The following STMN1 variants were observed in gnomAD, a reference collection of about 807,000 sequenced individuals.
STMN1 encodes stathmin.
In STMN1, 3 loss-of-function variants were observed where a neutral mutation model predicts 19.7. The ratio of observed to expected loss-of-function variants is 0.15; its 90% CI spans 0.07 to 0.39. STMN1 has a LOEUF of 0.39. Among genes scored for constraint, STMN1 ranks in the 10% least tolerant of loss-of-function variants. The pLI, the probability that STMN1 is intolerant of heterozygous loss-of-function variation, is 1.00. For missense variants in STMN1, 99 were observed against 176.0 expected (o/e 0.56, Z 2.48); for synonymous variants, 59 against 58.9 (o/e 1.00, Z -0.01).
downstream of STMN1, among the ~76,000 whole-genome samples, chr1:25,898,656 G>C (rs964861720): frequency 6.6e-6 from 1 of 152,230 alleles, no homozygotes; most frequent in African/African-American, 2.4e-5. Context: ...GAAGGGACAA[G>C]CCTCATTTTC....
chr1:25,901,046 T>C lies in STMN1; in HGVS notation c.420A>G (p.Lys140=). 2 of 1,613,722 alleles carry C rather than the reference T, an allele frequency of 1.2e-6. No homozygotes were observed. The highest frequency in any genetic ancestry group is 1.7e-6 in the Non-Finnish European group (2 of 1,179,954). The change falls in exon 5 of 5, where the codon AAA becomes AAG. Residue 140 remains lysine, a synonymous_variant. Coordinates refer to ENST00000455785, the MANE Select transcript of STMN1 (RefSeq NM_005563.4). ...CAGCTTCAGTCTCGTCAGCAGGGTC[T>C]TTGGATTCTTTGTTCTTCCGCACTT... The part of the protein sequence containing the change: ...IEEVRKNKES[K]DPADETEAD
intron 4 of STMN1, among the ~76,000 whole-genome samples, chr1:25,888,498 G>A (rs1271348477): frequency 3.3e-5 from 5 of 152,106 alleles, no homozygotes; most frequent in African/African-American, 7.2e-5. Flanking sequence ...ATGAATAAAC[G>A]ACTGAACTCT....
At chr1:25,892,801 G>T (rs1376221546) in intron 4 of STMN1, among the ~76,000 whole-genome samples, 1 of 152,130 alleles carries the variant, frequency 6.6e-6, no homozygotes, top group Non-Finnish European at 1.5e-5. Flanking sequence ...TAGCCCGGGT[G>T]GGAGCCTGGG....
intron 4 of STMN1, 76 bp downstream of exon 4, chr1:25,901,415 C>G (rs1046623173): frequency 2.1e-5 from 31 of 1,492,218 alleles, no homozygotes; most frequent in Non-Finnish European, 2.7e-5. Flanking sequence ...CACCTTTTAT[C>G]AAAGCACTTA....
chr1:25,885,791 C>A, exon 5 of STMN1: 1 of 1,551,648 alleles, frequency 6.4e-7, no homozygotes, highest in Non-Finnish European at 8.7e-7. Context: ...GGGCAAAGGG[C>A]AGGAACAGAG....
At position 25,901,694 on chromosome 1, in the gene STMN1, A is replaced by G. The variant is rs777818934; in HGVS notation, c.187-12T>C. 55 of 1,603,040 alleles carry G rather than the reference A, an allele frequency of 3.4e-5. No individual in the cohort carries two copies. The highest frequency in any genetic ancestry group is 1.4e-5 in the African/African-American group (1 of 73,992). On this transcript the variant is annotated splice_polypyrimidine_tract_variant and intron_variant, in intron 3 of 4. Coordinates refer to ENST00000455785, the MANE Select transcript of STMN1 (RefSeq NM_005563.4). ...TCAGCTTCATGGGACTGGAAAAAAA[A>G]GTTTAATAGGCTAGGCACTCTAAAA...
chr1:25,894,308 G>C (rs1228169168), intron 4 of STMN1, among the ~76,000 whole-genome samples: 4 of 152,092 alleles, frequency 2.6e-5, no homozygotes, highest in Non-Finnish European at 5.9e-5. Context: ...GTTGGGGACT[G>C]GAGAGATGGC....
chr1:25,892,806 C>A (rs2048788329), intron 4 of STMN1, among the ~76,000 whole-genome samples: 1 of 152,140 alleles, frequency 6.6e-6, no homozygotes, highest in South Asian at 2.1e-4. Flanking sequence ...CGGGTGGGAG[C>A]CTGGGCCTCA....
chr1:25,893,356 T>G (rs968866856), intron 4 of STMN1, among the ~76,000 whole-genome samples: 11 of 152,162 alleles, frequency 7.2e-5, no homozygotes, highest in Admixed American at 2.6e-4. Context: ...ACTCTGGCTT[T>G]ACAGGGCCTC....
downstream of STMN1, among the ~76,000 whole-genome samples, chr1:25,898,369 C>T (rs1412974002): frequency 1.3e-5 from 2 of 152,218 alleles, no homozygotes; most frequent in South Asian, 2.1e-4. Flanking sequence ...TCTGTGGTCA[C>T]TCCTTTCACC....
At chr1:25,898,234 A>G (rs1321903323), downstream of STMN1, among the ~76,000 whole-genome samples, 3 of 152,212 alleles carry the variant, frequency 2.0e-5, no homozygotes, top group Non-Finnish European at 4.4e-5. Flanking sequence ...CGTGGCAATC[A>G]CAGGCTTACT....
chr1:25,889,465 T>C (rs577615157), intron 4 of STMN1, among the ~76,000 whole-genome samples: 25 of 149,170 alleles, frequency 1.7e-4, no homozygotes, highest in African/African-American at 4.9e-4. Context: ...CCAGGCTTGT[T>C]TGAGTAGATG....
At chr1:25,901,117 C>CAAAA (rs58316569) in intron 4 of STMN1, 30 bp from the exon 5 acceptor site, 137 of 1,204,732 alleles carry the variant, frequency 1.1e-4, no homozygotes, top group South Asian at 5.7e-4. Context: ...TGTCATCAGT[C>CAAAA]AAAAAAAAAA....
chr1:25,890,669 CAT>C (rs1265812506), intron 4 of STMN1, among the ~76,000 whole-genome samples: 1 of 152,228 alleles, frequency 6.6e-6, no homozygotes, highest in Non-Finnish European at 1.5e-5. Flanking sequence ...GCCAGGTAGT[CAT>C]CTAGCTGCTG....
rs577225967 is a variant in STMN1 at position 25,885,765 on chromosome 1, T to G, written c.483A>C (p.Gln161His). ...GATCAGACCAGGTAATCAATGCAGATTGGAGGCCCAGGGCTGGGCAAAGGG... is the reference window on the plus strand; with the variant it reads ...GATCAGACCAGGTAATCAATGCAGAGTGGAGGCCCAGGGCTGGGCAAAGGG... The change falls in exon 5 of 5, where the codon CAA becomes CAC. Residue 161 changes from glutamine (Q) to histidine (H), a missense_variant. Coordinates refer to the STMN1 transcript ENST00000426559. 2.0e-4 allele frequency: 307 copies of G among 1,551,428 alleles called. 3 individuals carry two copies. The South Asian group carries it at 3.5e-3, about 18-fold the overall frequency.
At chr1:25,897,804 T>C (rs1226043757), downstream of STMN1, among the ~76,000 whole-genome samples, 1 of 152,212 alleles carries the variant, frequency 6.6e-6, no homozygotes, top group Non-Finnish European at 1.5e-5. Context: ...CACTTCTCTA[T>C]GGTGGAGAAA....
At chr1:25,904,075 G>A (rs528437444) in intron 2 of STMN1, among the ~76,000 whole-genome samples, 1 of 152,280 alleles carries the variant, frequency 6.6e-6, no homozygotes, top group South Asian at 2.1e-4. Context: ...CACCGTGGGA[G>A]GCCAACATGG....
chr1:25,905,668 G>A (rs1005610853), intron 1 of STMN1, among the ~76,000 whole-genome samples: 2 of 152,072 alleles, frequency 1.3e-5, no homozygotes, highest in African/African-American at 4.8e-5. Flanking sequence ...GGTCCAATCC[G>A]GGTAACTCCG....
At chr1:25,893,140 G>GA (rs2048790927) in intron 4 of STMN1, among the ~76,000 whole-genome samples, 2 of 151,902 alleles carry the variant, frequency 1.3e-5, no homozygotes, top group South Asian at 2.1e-4. Context: ...TGTTTAAATT[G>GA]AAAAAAACGA....
Sources: allele counts gnomAD v4.1 joint callset (sites outside exome capture counted in the v4.1 genomes callset), GRCh38; gene constraint gnomAD v4.1.1; transcripts MANE v1.5; gene names NCBI Gene and HGNC (gene_info 2026-07-23, HGNC 2026-07-21).